Variants in UNC80 observed in about 807,000 individuals in gnomAD.
The protein encoded by UNC80 is protein unc-80 homolog.
In UNC80, 164 loss-of-function variants were observed where a neutral mutation model predicts 384.6. That is an observed-to-expected ratio of 0.43 (90% confidence interval 0.38 to 0.49). The LOEUF is 0.49. Among genes scored for constraint, UNC80 ranks in the 20% least tolerant of loss-of-function variants. The pLI is 0.00. For missense variants in UNC80, 3,330 were observed against 4,143.0 expected, an observed-to-expected ratio of 0.80 and a Z score of 5.39; for synonymous variants, 1,486 against 1,527.8, an observed-to-expected ratio of 0.97 and a Z score of 0.64.
Position 209,881,170 on chromosome 2 carries a change from A to G in UNC80, c.4110+76A>G, listed in dbSNP as rs547221635. On this transcript the variant is annotated intron_variant, in intron 25 of 64. Coordinates refer to ENST00000673920, the MANE Select transcript of UNC80 (RefSeq NM_001371986.1). ...GTGTGTCTGGGTTTCCAAGATTCAC[A>G]GTTTTCTTAAATGTTCCATGGCTAG... 138 of 1,471,272 alleles carry G rather than the reference A, an allele frequency of 9.4e-5. 1 individual carries two copies. In the South Asian group the frequency reaches 1.6e-3, roughly 17 times the overall value. 91.1% of individuals were successfully genotyped at this position (1,471,272 alleles called of 1,614,324 possible).
chr2:209,973,583 A>G, intron 56 of UNC80, among the ~76,000 whole-genome samples: 1 of 152,236 alleles, frequency 6.6e-6, no homozygotes, highest in Admixed American at 6.5e-5. Context: ...GCTGTTTTAT[A>G]TATGAGTGTC....
chr2:209,901,244 T>C (rs1257198251), intron 28 of UNC80, among the ~76,000 whole-genome samples: 1 of 152,190 alleles, frequency 6.6e-6, no homozygotes, highest in Non-Finnish European at 1.5e-5. Flanking sequence ...CTGATTCTCT[T>C]GTTAGGGGTT....
intron 27 of UNC80, among the ~76,000 whole-genome samples, chr2:209,896,090 C>T (rs1411615058): frequency 6.6e-6 from 1 of 152,068 alleles, no homozygotes; most frequent in Admixed American, 6.6e-5. Context: ...ATGGAAGCCA[C>T]CATAACAGAG....
At chr2:209,989,903 T>G (rs1485594696) in intron 61 of UNC80, among the ~76,000 whole-genome samples, 1 of 152,208 alleles carries the variant, frequency 6.6e-6, no homozygotes, top group Non-Finnish European at 1.5e-5. Flanking sequence ...GCCTTCGATA[T>G]TCCAAATATA....
chr2:209,983,102 G>A (rs1458734735), intron 60 of UNC80, among the ~76,000 whole-genome samples: 1 of 152,036 alleles, frequency 6.6e-6, no homozygotes, highest in Non-Finnish European at 1.5e-5. Flanking sequence ...TGTGATTTTA[G>A]TGTGTTGCTT....
chr2:209,831,715 C>A, intron 16 of UNC80, 124 bp downstream of exon 16: 1 of 1,127,498 alleles, frequency 8.9e-7, no homozygotes, highest in Non-Finnish European at 1.2e-6. Context: ...GTTTAAATAT[C>A]TATTTTCCCC....
chr2:209,834,824 A>G lies in UNC80; in HGVS notation c.2943-88A>G, dbSNP rs1277603739. ...TTCACAAGCTGCAAAGTTGTCTACA[A>G]CAGAGTGTTTTGTTTTATGAAGTGT... is the stretch of plus-strand genomic sequence containing the variant. On this transcript the variant is annotated intron_variant, in intron 17 of 64. Transcript: ENST00000673920. 54 of 1,120,410 alleles carry G rather than the reference A, an allele frequency of 4.8e-5. 3 individuals are homozygous for G. The Admixed American group carries it at 5.1e-4, about 11-fold the overall frequency. 69.4% of individuals were successfully genotyped at this position (1,120,410 alleles called of 1,614,324 possible).
chr2:209,808,172 G>A (rs899460625), intron 7 of UNC80, among the ~76,000 whole-genome samples: 4 of 152,150 alleles, frequency 2.6e-5, no homozygotes, highest in Admixed American at 2.0e-4. Context: ...AATACATTTT[G>A]TATATAGAGA....
intron 41 of UNC80, 111 bp downstream of exon 41, chr2:209,937,044 GC>G: frequency 1.4e-6 from 1 of 692,714 alleles, no homozygotes; most frequent in Non-Finnish European, 2.5e-6. Context: ...TAATAGTATG[GC>G]CACCTGGGTC....
At chr2:209,909,309 A>G (rs1259391232) in intron 29 of UNC80, among the ~76,000 whole-genome samples, 2 of 152,228 alleles carry the variant, frequency 1.3e-5, no homozygotes, top group African/African-American at 4.8e-5. Flanking sequence ...GAACTTGTTC[A>G]AACAATTAGG....
At chr2:209,941,539 A>G (rs1248651644) in intron 44 of UNC80, 50 bp downstream of exon 44, 2 of 1,445,586 alleles carry the variant, frequency 1.4e-6, no homozygotes, top group South Asian at 1.5e-5. Flanking sequence ...AGTACTGCTC[A>G]TATCTAGCCG....
At chr2:209,984,084 T>C (rs1021406910) in intron 60 of UNC80, among the ~76,000 whole-genome samples, 29 of 152,208 alleles carry the variant, frequency 1.9e-4, no homozygotes, top group Admixed American at 9.2e-4. Context: ...TGCTAGGCAC[T>C]GAAGGAAGGA....
chr2:209,875,913 T>A (rs2084741792), intron 23 of UNC80, among the ~76,000 whole-genome samples: 1 of 152,190 alleles, frequency 6.6e-6, no homozygotes, highest in African/African-American at 2.4e-5. Context: ...AAGCAGTTTT[T>A]GACCACATAG....
intron 29 of UNC80, among the ~76,000 whole-genome samples, chr2:209,910,884 C>T (rs114932728): frequency 8.4e-4 from 128 of 152,012 alleles, no homozygotes; most frequent in African/African-American, 3.0e-3. Context: ...AAATTGTGTG[C>T]CACACATAGC....
chr2:209,969,750 G>T lies in UNC80; in HGVS notation c.8007-18G>T, dbSNP rs562968565. ...AGAAGGGAGCCAAGACGCTAATGGC[G>T]CCTATATTGTATTCCAGGCGACAGG... is the stretch of plus-strand genomic sequence containing the variant. On this transcript the variant is annotated intron_variant, in intron 52 of 64. Coordinates refer to ENST00000673920, the MANE Select transcript of UNC80 (RefSeq NM_001371986.1). The T allele has an allele frequency of 4.2e-5, 65 of 1,551,362 alleles. No homozygotes were observed. In the South Asian group the frequency reaches 6.8e-4, roughly 16 times the overall value.
intron 17 of UNC80, among the ~76,000 whole-genome samples, chr2:209,834,622 C>T (rs2081217659): frequency 6.6e-6 from 1 of 152,152 alleles, no homozygotes; most frequent in East Asian, 1.9e-4. Context: ...TATTTTATGC[C>T]TATTGTATAT....
chr2:209,833,755 CT>C (rs1471594528), intron 16 of UNC80, among the ~76,000 whole-genome samples: 1 of 152,306 alleles, frequency 6.6e-6, no homozygotes, highest in East Asian at 1.9e-4. Flanking sequence ...AGCCAACTTT[CT>C]GAATGAAGCA....
At chr2:209,818,340 T>G (rs1046023753) in intron 11 of UNC80, among the ~76,000 whole-genome samples, 1 of 152,150 alleles carries the variant, frequency 6.6e-6, no homozygotes, top group African/African-American at 2.4e-5. Flanking sequence ...CCACCAATTT[T>G]TTTTTTTTTT....
chr2:209,810,614 A>G (rs2079273302), intron 7 of UNC80, among the ~76,000 whole-genome samples: 1 of 152,130 alleles, frequency 6.6e-6, no homozygotes, highest in Admixed American at 6.5e-5. Context: ...GTTATCTCAT[A>G]TGGAGCACTG....
Sources: gnomAD v4.1 joint callset for allele counts (sites outside exome capture counted in the v4.1 genomes callset) on GRCh38, gnomAD v4.1.1 for gene constraint, MANE v1.5 for transcripts, NCBI Gene and HGNC (gene_info 2026-07-23, HGNC 2026-07-21) for gene names.